The following EXPH5 variants were observed in gnomAD, a reference collection of about 807,000 sequenced individuals.
EXPH5 encodes the protein exophilin-5.
Under a neutral mutation model 41.1 loss-of-function variants are expected in EXPH5, and 42 were observed. That is an observed-to-expected ratio of 1.02 (90% CI 0.80 to 1.32). The LOEUF is 1.32. Ranked by LOEUF, EXPH5 falls within the 40% of genes most tolerant of loss-of-function variation. The probability of loss-of-function intolerance (pLI) is 0.00; values close to 1 mark genes in which losing one functional copy is unlikely to be tolerated. For missense variants in EXPH5, 2,298 were observed against 2,314.5 expected (o/e 0.99, Z 0.15); for synonymous variants, 798 against 833.5 (o/e 0.96, Z 0.73).
chr11:108,514,679 T>A lies in EXPH5; in HGVS notation c.828A>T (p.Arg276Ser), dbSNP rs148226148. Reference protein sequence around the residue: ...TSNMSIYDILRPGTPREGFKT... With the variant: ...TSNMSIYDILSPGTPREGFKT... ...TAAAACCTTCCCTAGGAGTTCCTGGTCTTAGGATGTCATAGATAGACATAT... is the reference window on the plus strand; with the variant it reads ...TAAAACCTTCCCTAGGAGTTCCTGGACTTAGGATGTCATAGATAGACATAT... Residue 276 changes from arginine to serine, a missense_variant, in exon 6 of 6, where the codon AGA (arginine) becomes AGT (serine). By Grantham distance (110) the Arg-to-Ser change is moderately radical. Transcript: ENST00000265843. 1.2e-6 allele frequency: 2 copies of A among 1,603,100 alleles called. No individual in the cohort carries two copies. The highest frequency in any genetic ancestry group is 2.7e-5 in the African/African-American group (2 of 74,328).
At chr11:108,598,398 G>T (rs953244034), upstream of EXPH5, among the ~76,000 whole-genome samples, 1 of 152,148 alleles carries the variant, frequency 6.6e-6, no homozygotes, top group Admixed American at 6.5e-5. Context: ...TGTGACAGGT[G>T]CTGGAAATGC....
intron 1 of EXPH5, among the ~76,000 whole-genome samples, chr11:108,562,367 G>A (rs2094016479): frequency 6.7e-6 from 1 of 149,608 alleles, no homozygotes; most frequent in Non-Finnish European, 1.5e-5. Flanking sequence ...TCGAGGTGGT[G>A]GATCACTTGA....
chr11:108,531,587 CATTAAAT>C (rs1220721531), intron 3 of EXPH5, among the ~76,000 whole-genome samples: 3 of 152,192 alleles, frequency 2.0e-5, no homozygotes, highest in Non-Finnish European at 4.4e-5. Flanking sequence ...ATTCCACCTC[CATTAAAT>C]ATTCTCTCAT....
At chr11:108,532,366 A>ATATATATATATATATATATT (rs1555192606) in intron 3 of EXPH5, among the ~76,000 whole-genome samples, 1 of 32,134 alleles carries the variant, frequency 3.1e-5, no homozygotes, top group Non-Finnish European at 4.6e-5. Context: ...ATATATATAT[A>ATATATATATATATATATATT]TTTTTTTTTT....
chr11:108,579,211 T>G (rs2094089950), intron 1 of EXPH5, among the ~76,000 whole-genome samples: 1 of 152,040 alleles, frequency 6.6e-6, no homozygotes, highest in Non-Finnish European at 1.5e-5. Context: ...TTTTTTTTTT[T>G]TTTATCATGA....
At chr11:108,555,919 T>C (rs1260739506) in intron 1 of EXPH5, among the ~76,000 whole-genome samples, 1 of 152,186 alleles carries the variant, frequency 6.6e-6, no homozygotes, top group Non-Finnish European at 1.5e-5. Context: ...TATGCTTTCA[T>C]AGCAGCGTGA....
chr11:108,570,565 A>G (rs575873057), intron 1 of EXPH5, among the ~76,000 whole-genome samples: 1 of 152,254 alleles, frequency 6.6e-6, no homozygotes, highest in East Asian at 1.9e-4. Flanking sequence ...TATTTTTAAG[A>G]GATAAGATCT....
At position 108,512,295 on chromosome 11, in the gene EXPH5, C is replaced by A; in HGVS notation, c.3212G>T (p.Ser1071Ile). 9 of 1,613,744 alleles carry A rather than the reference C, an allele frequency of 5.6e-6. No individual in the cohort carries two copies. The highest frequency in any genetic ancestry group is 7.6e-6 in the Non-Finnish European group (9 of 1,179,892). ...AMGNYMLNKF[S>I]PSSPESANEC... ...ATTCGCTGACTCAGGAGAACTGGGA[C>A]TAAATTTGTTTAACATATAGTTCCC... Residue 1071 changes from serine to isoleucine, a missense_variant, in exon 6 of 6, where the codon AGT becomes ATT. Coordinates refer to ENST00000265843, the MANE Select transcript of EXPH5 (RefSeq NM_015065.3).
chr11:108,549,400 T>A (rs953906608), intron 1 of EXPH5, among the ~76,000 whole-genome samples: 16 of 152,198 alleles, frequency 1.1e-4, no homozygotes, highest in African/African-American at 3.6e-4. Context: ...TGAGTTAAAC[T>A]TATTTTTCCT....
chr11:108,542,157 G>A lies in EXPH5; in HGVS notation c.120-345C>T, dbSNP rs193078208. Among the ~76,000 whole-genome samples, 90 of 152,276 alleles carry A rather than the reference G, an allele frequency of 5.9e-4. 1 individual carries two copies. The highest frequency in any genetic ancestry group is 2.1e-3 in the African/African-American group (89 of 41,558). ...AGCCTCCCAAAGTGCTGGGATTACA[G>A]GAGTGAGCCACCTGGCCCAGCCTCA... is the stretch of plus-strand genomic sequence containing the variant. On this transcript the variant is annotated intron_variant, in intron 1 of 5. Transcript: ENST00000265843.
chr11:108,515,817 A>G (rs1174112296), intron 5 of EXPH5, among the ~76,000 whole-genome samples: 1 of 152,200 alleles, frequency 6.6e-6, no homozygotes, highest in Admixed American at 6.5e-5. Context: ...TCATGCCTGT[A>G]ATCCCAGCAC....
At chr11:108,529,358 G>A (rs112397520) in intron 3 of EXPH5, among the ~76,000 whole-genome samples, 5 of 152,022 alleles carry the variant, frequency 3.3e-5, no homozygotes, top group African/African-American at 1.2e-4. Context: ...TTTGAGACAG[G>A]ATCTCACTCT....
At chr11:108,540,119 G>A (rs986997604) in intron 2 of EXPH5, among the ~76,000 whole-genome samples, 5 of 151,978 alleles carry the variant, frequency 3.3e-5, no homozygotes, top group Admixed American at 3.3e-4. Flanking sequence ...TCAAGAGTTC[G>A]AGACCAGCCT....
chr11:108,569,689 A>G (rs12277367), intron 1 of EXPH5, among the ~76,000 whole-genome samples: 82,336 of 152,086 alleles, frequency 0.54, 22,504 homozygotes, highest in Middle Eastern at 0.59. Flanking sequence ...AAAGCTTACA[A>G]AGAACATTTG....
At position 108,509,040 on chromosome 11, in the gene EXPH5, A is replaced by G. The variant is rs1420475185; in HGVS notation, c.*497T>C. On this transcript the variant is annotated 3_prime_UTR_variant, in exon 6 of 6. Transcript: ENST00000265843. ...ACCACCTTAAACTTCCTAAATGTTC[A>G]TGAGTCAAACAGGATGATAATATTT... 3 of 152,338 alleles carry G rather than the reference A, an allele frequency of 2.0e-5. No homozygotes were observed. Among genetic ancestry groups the G allele is most frequent in the Non-Finnish European group, 4.4e-5 (3 of 68,218 alleles). 9.4% of individuals were successfully genotyped at this position (152,338 alleles called of 1,614,324 possible).
chr11:108,583,113 T>G (rs1301761489), intron 1 of EXPH5, among the ~76,000 whole-genome samples: 1 of 152,132 alleles, frequency 6.6e-6, no homozygotes, highest in Non-Finnish European at 1.5e-5. Context: ...CCAGGCGCAG[T>G]GGCTCATGCC....
the EXPH5 span, among the ~76,000 whole-genome samples, chr11:108,604,831 T>C: frequency 2.0e-5 from 3 of 152,032 alleles, no homozygotes; most frequent in East Asian, 5.8e-4. Flanking sequence ...TAGGATGAAA[T>C]CAGTTTTAGG....
rs1156233074 is a variant in EXPH5 at position 108,509,319 on chromosome 11, T to C, written c.*218A>G. ...GGCAGGCTAAGAACATTTACAGAGA[T>C]AGAAAATAGCAGAGACTCTCTCAAA... On this transcript the variant is annotated 3_prime_UTR_variant, in exon 6 of 6. Coordinates refer to ENST00000265843, the MANE Select transcript of EXPH5 (RefSeq NM_015065.3). 23 of 391,384 alleles carry C rather than the reference T, an allele frequency of 5.9e-5. No individual in the cohort carries two copies. The highest frequency in any genetic ancestry group is 9.7e-5 in the South Asian group (1 of 10,294). The allele number at this position is 391,384 out of a possible 1,614,324, so 24.2% of individuals were successfully genotyped here. A position where few individuals can be genotyped will look rare whatever the true frequency, so the allele number is the denominator to read the frequency against.
At chr11:108,566,559 A>T (rs2094035437) in intron 1 of EXPH5, among the ~76,000 whole-genome samples, 1 of 152,196 alleles carries the variant, frequency 6.6e-6, no homozygotes, top group Non-Finnish European at 1.5e-5. Flanking sequence ...TGGGTTATAA[A>T]TAAGAATTCC....
Sources: gnomAD v4.1 joint callset for allele counts (sites outside exome capture counted in the v4.1 genomes callset) on GRCh38, gnomAD v4.1.1 for gene constraint, MANE v1.5 for transcripts, NCBI Gene and HGNC (gene_info 2026-07-23, HGNC 2026-07-21) for gene names.